CNTNAP5: variants seen among roughly 807,000 people sequenced by gnomAD.
CNTNAP5 encodes contactin-associated protein-like 5.
A neutral mutation model predicts 150.2 loss-of-function variants in CNTNAP5; 72 were observed. The observed-to-expected ratio is 0.48, with a 90% confidence interval of 0.40 to 0.58. The LOEUF (loss-of-function observed/expected upper bound fraction) is 0.58. Ranked by LOEUF, CNTNAP5 falls within the 20% of genes least tolerant of loss-of-function variation. CNTNAP5 has a pLI of 0.00. For synonymous variants in CNTNAP5, 672 were observed against 619.8 expected (o/e 1.08, Z -1.25); for missense variants, 1,636 against 1,626.2 (o/e 1.01, Z -0.10).
At chr2:124,814,980 G>A (rs760713622) in intron 19 of CNTNAP5, among the ~76,000 whole-genome samples, 23 of 152,154 alleles carry the variant, frequency 1.5e-4, no homozygotes, top group Non-Finnish European at 2.9e-4. Flanking sequence ...CCCACCTTAG[G>A]TGGGGCCTCT....
At chr2:124,202,232 G>T (rs1235702948) in intron 1 of CNTNAP5, among the ~76,000 whole-genome samples, 1 of 152,084 alleles carries the variant, frequency 6.6e-6, no homozygotes, top group Non-Finnish European at 1.5e-5. Flanking sequence ...TAGTTCTGAA[G>T]TAAGTTTCTC....
At chr2:124,121,720 C>T (rs1052679646) in intron 1 of CNTNAP5, among the ~76,000 whole-genome samples, 4 of 152,170 alleles carry the variant, frequency 2.6e-5, no homozygotes, top group African/African-American at 9.7e-5. Context: ...CATTCCTAAA[C>T]TATCCCATGC....
intron 18 of CNTNAP5, among the ~76,000 whole-genome samples, chr2:124,792,026 G>A (rs1681745976): frequency 6.6e-6 from 1 of 152,108 alleles, no homozygotes; most frequent in African/African-American, 2.4e-5. Flanking sequence ...GAACTGAAAT[G>A]GGAAGCCAGT....
chr2:124,880,697 A>G (rs891838714), intron 21 of CNTNAP5, among the ~76,000 whole-genome samples: 2 of 152,160 alleles, frequency 1.3e-5, no homozygotes, highest in African/African-American at 4.8e-5. Flanking sequence ...TGAAAACTTT[A>G]AAGAAGTAAA....
At chr2:124,122,823 G>C (rs1249571678) in intron 1 of CNTNAP5, among the ~76,000 whole-genome samples, 1 of 151,590 alleles carries the variant, frequency 6.6e-6, no homozygotes, top group East Asian at 1.9e-4. Context: ...ACAGGGAGCA[G>C]ATTGCTTTTG....
chr2:124,218,853 C>A (rs969719800), intron 1 of CNTNAP5, among the ~76,000 whole-genome samples: 1 of 152,102 alleles, frequency 6.6e-6, no homozygotes, highest in Non-Finnish European at 1.5e-5. Context: ...GTGAAAGTCT[C>A]CTAAATTTCC....
intron 3 of CNTNAP5, among the ~76,000 whole-genome samples, chr2:124,354,045 T>C (rs1028615329): frequency 6.6e-6 from 1 of 152,162 alleles, no homozygotes; most frequent in Admixed American, 6.5e-5. Context: ...TCCAGAAGAC[T>C]TGACTATGAT....
intron 13 of CNTNAP5, among the ~76,000 whole-genome samples, chr2:124,661,195 CT>C (rs1678582860): frequency 6.6e-6 from 1 of 151,940 alleles, no homozygotes; most frequent in Non-Finnish European, 1.5e-5. Context: ...TTTACTGAAA[CT>C]TTTTTACTCT....
At chr2:124,912,024 T>G (rs1399391831) in intron 23 of CNTNAP5, among the ~76,000 whole-genome samples, 2 of 152,056 alleles carry the variant, frequency 1.3e-5, no homozygotes, top group African/African-American at 4.8e-5. Context: ...ACTGCACATA[T>G]GGTTACAGAT....
chr2:124,640,914 G>A (rs1314739450), intron 12 of CNTNAP5, among the ~76,000 whole-genome samples: 1 of 151,778 alleles, frequency 6.6e-6, no homozygotes, highest in Non-Finnish European at 1.5e-5. Context: ...ATTACCTGAG[G>A]TTGGAGTTCA....
intron 12 of CNTNAP5, among the ~76,000 whole-genome samples, chr2:124,625,756 A>C (rs1677708788): frequency 6.6e-6 from 1 of 152,190 alleles, no homozygotes. Flanking sequence ...AGTCCAGTCA[A>C]CAAAGATTTA....
At chr2:124,520,932 G>C (rs1267461896) in intron 8 of CNTNAP5, among the ~76,000 whole-genome samples, 1 of 152,186 alleles carries the variant, frequency 6.6e-6, no homozygotes, top group Non-Finnish European at 1.5e-5. Context: ...ATACCTCAGA[G>C]AGTCTCTAGG....
At chr2:124,425,057 T>A (rs1331739321) in intron 4 of CNTNAP5, among the ~76,000 whole-genome samples, 1 of 152,348 alleles carries the variant, frequency 6.6e-6, no homozygotes, top group Middle Eastern at 3.4e-3. Context: ...AACCACTTTA[T>A]GCAACAGTAC....
chr2:124,437,238 T>A (rs890748336), intron 5 of CNTNAP5, among the ~76,000 whole-genome samples: 1 of 152,186 alleles, frequency 6.6e-6, no homozygotes, highest in African/African-American at 2.4e-5. Context: ...TCATTATTCC[T>A]GTTGGGCTTG....
chr2:124,252,452 C>T (rs1195544122), intron 3 of CNTNAP5, among the ~76,000 whole-genome samples: 1 of 152,152 alleles, frequency 6.6e-6, no homozygotes, highest in Non-Finnish European at 1.5e-5. Context: ...TGACCCACCA[C>T]CCTGCCCAGC....
intron 8 of CNTNAP5, among the ~76,000 whole-genome samples, chr2:124,508,677 AAAG>A (rs1237537087): frequency 6.6e-6 from 1 of 152,232 alleles, no homozygotes; most frequent in African/African-American, 2.4e-5. Flanking sequence ...AAATAAGCAA[AAAG>A]AAGTTTTTAA....
rs192129642 is a variant in CNTNAP5, at chr2:124,121,817, G to A, written c.82+96085G>A. On this transcript the variant is annotated intron_variant, in intron 1 of 23. Transcript: ENST00000682447. ...TCTTTCCCTTATATGAACATCAGCT[G>A]AGTTTTATAGTGTGTATCAAACAAT... Among the ~76,000 whole-genome samples, 140 of 152,152 alleles carry A rather than the reference G, an allele frequency of 9.2e-4. 1 individual carries two copies. The highest frequency in any genetic ancestry group is 3.4e-3 in the Middle Eastern group (1 of 294).
At position 124,865,321 on chromosome 2, in the gene CNTNAP5, G is replaced by A. The variant is rs769059435; in HGVS notation, c.3233G>A (p.Arg1078His). ...TTCTTTCAAGGAAGCTTACAGGTTC[G>A]CTATCACCTAAACAAGGAAGAAACC... is the stretch of plus-strand genomic sequence containing the variant. ...LLCKNGSLQV[R>H]YHLNKEETHV... The change falls in exon 20 of 24, where the codon CGC (arginine) becomes CAC (histidine). Residue 1078 changes from arginine to histidine, a missense_variant. Physicochemically the swap from Arg to His is conservative, Grantham distance 29. Coordinates refer to ENST00000682447, the MANE Select transcript of CNTNAP5 (RefSeq NM_001367498.1). The A allele has an allele frequency of 5.8e-6, 9 of 1,562,532 alleles. No individual in the cohort carries two copies. Among genetic ancestry groups the A allele is most frequent in the African/African-American group, 5.4e-5 (4 of 73,600 alleles).
At chr2:124,648,038 A>G (rs1678244333) in intron 13 of CNTNAP5, 80 bp downstream of exon 13, 3 of 1,323,774 alleles carry the variant, frequency 2.3e-6, no homozygotes, top group East Asian at 2.5e-5. Flanking sequence ...AAAATTTGCC[A>G]AGAAGGGGGC....
Sources: allele counts gnomAD v4.1 joint callset (sites outside exome capture counted in the v4.1 genomes callset), GRCh38; gene constraint gnomAD v4.1.1; transcripts MANE v1.5; gene names NCBI Gene and HGNC (gene_info 2026-07-23, HGNC 2026-07-21).